CCDC3: variants seen among roughly 807,000 people sequenced by gnomAD.
The protein encoded by CCDC3 is coiled-coil domain-containing protein 3.
In CCDC3, 24 loss-of-function variants were observed where a neutral mutation model predicts 21.4. That is an observed-to-expected ratio of 1.12 (90% CI 0.81 to 1.58). The LOEUF is 1.58. Ranked by LOEUF, CCDC3 falls within the 40% of genes most tolerant of loss-of-function variation. The pLI, the probability that CCDC3 is intolerant of heterozygous loss-of-function variation, is 0.00. For missense variants in CCDC3, 425 were observed against 360.9 expected, an observed-to-expected ratio of 1.18 and a Z score of -1.44; for synonymous variants, 186 against 166.0, an observed-to-expected ratio of 1.12 and a Z score of -0.93.
chr10:13,054,985 A>G (rs1313181073), intron 4 of CCDC3, among the ~76,000 whole-genome samples: 1 of 152,134 alleles, frequency 6.6e-6, no homozygotes, highest in African/African-American at 2.4e-5. Context: ...ATTATTTCTT[A>G]TGATTCTGAG....
chr10:12,944,878 A>G (rs1265750709), intron 2 of CCDC3, among the ~76,000 whole-genome samples: 11 of 152,232 alleles, frequency 7.2e-5, no homozygotes, highest in African/African-American at 2.7e-4. Flanking sequence ...ATGTAGGAAA[A>G]ATATTCCCAT....
At chr10:13,060,663 C>T (rs1303261875) in intron 4 of CCDC3, among the ~76,000 whole-genome samples, 1 of 152,136 alleles carries the variant, frequency 6.6e-6, no homozygotes, top group Non-Finnish European at 1.5e-5. Flanking sequence ...CATCACCAAA[C>T]CAGGCTAATT....
chr10:13,048,548 A>C (rs1836562948), intron 5 of CCDC3, among the ~76,000 whole-genome samples: 1 of 152,120 alleles, frequency 6.6e-6, no homozygotes, highest in Non-Finnish European at 1.5e-5. Context: ...TCTGTTACCT[A>C]TTCAGAAAAT....
At chr10:13,043,201 C>G (rs1304352938) in intron 5 of CCDC3, among the ~76,000 whole-genome samples, 2 of 152,088 alleles carry the variant, frequency 1.3e-5, no homozygotes, top group Non-Finnish European at 2.9e-5. Flanking sequence ...AATAGTTTTT[C>G]AAGCCTAATC....
At chr10:13,022,328 CT>C (rs1210440491) in intron 5 of CCDC3, among the ~76,000 whole-genome samples, 1 of 152,154 alleles carries the variant, frequency 6.6e-6, no homozygotes, top group African/African-American at 2.4e-5. Flanking sequence ...AGATTTTTCT[CT>C]GTCTTGCTCC....
In CCDC3 at chr10:12,992,321, G is replaced by A. The variant is rs926566514; in HGVS notation, c.549+6017C>T. 7.2e-5 allele frequency among the ~76,000 whole-genome samples: 11 copies of A among 152,174 alleles called. No individual in the cohort carries two copies. In the East Asian group the frequency reaches 9.7e-4, roughly 13 times the overall value. ...ATGAGAATCGCTTGAACCTCACTGCGGAGGTTGCAGTGAGCTGAGATTGCG... is the reference window on the plus strand; with the variant it reads ...ATGAGAATCGCTTGAACCTCACTGCAGAGGTTGCAGTGAGCTGAGATTGCG... On this transcript the variant is annotated intron_variant, in intron 2 of 2. Transcript: ENST00000378825.
intron 3 of CCDC3, among the ~76,000 whole-genome samples, chr10:13,078,913 T>C (rs1836998889): frequency 6.6e-6 from 1 of 151,992 alleles, no homozygotes; most frequent in African/African-American, 2.4e-5. Context: ...CTAATGTAAA[T>C]GACGAGTTAA....
chr10:13,096,141 C>A (rs1029096967), intron 3 of CCDC3, among the ~76,000 whole-genome samples: 8 of 148,464 alleles, frequency 5.4e-5, no homozygotes, highest in Non-Finnish European at 3.0e-5. Flanking sequence ...CTTTCTCTCT[C>A]TACTTCCTTC....
chr10:12,927,240 T>C (rs1251020), intron 2 of CCDC3, among the ~76,000 whole-genome samples: 149,794 of 152,316 alleles, frequency 0.98, 73,692 homozygotes, highest in South Asian at 1. Context: ...TTCATCTATC[T>C]GCTGGCCCTT....
intron 2 of CCDC3, among the ~76,000 whole-genome samples, chr10:12,914,480 C>G: frequency 6.6e-6 from 1 of 152,114 alleles, no homozygotes; most frequent in East Asian, 1.9e-4. Context: ...GAGTCTTGCT[C>G]TGTCACCCAG....
intron 2 of CCDC3, among the ~76,000 whole-genome samples, chr10:12,986,638 G>C (rs1191336756): frequency 6.6e-6 from 1 of 152,032 alleles, no homozygotes; most frequent in African/African-American, 2.4e-5. Flanking sequence ...GCTGGGCGTG[G>C]TGGCGGACGC....
At chr10:13,051,078 CTG>C (rs1285643926) in intron 4 of CCDC3, among the ~76,000 whole-genome samples, 2 of 152,138 alleles carry the variant, frequency 1.3e-5, no homozygotes, top group African/African-American at 4.8e-5. Flanking sequence ...GGTGTGAGCT[CTG>C]TGTCTAAATA....
intron 4 of CCDC3, among the ~76,000 whole-genome samples, chr10:13,066,303 T>C (rs182968097): frequency 1.3e-5 from 2 of 152,212 alleles, no homozygotes; most frequent in African/African-American, 4.8e-5. Flanking sequence ...ACCACAGGTA[T>C]GCACCACCAC....
intron 5 of CCDC3, among the ~76,000 whole-genome samples, chr10:13,006,780 T>C (rs1485264171): frequency 6.6e-6 from 1 of 152,168 alleles, no homozygotes; most frequent in African/African-American, 2.4e-5. Flanking sequence ...CAAAAGGCTC[T>C]GTGTCTATAA....
intron 4 of CCDC3, among the ~76,000 whole-genome samples, chr10:13,052,985 C>T (rs1032165660): frequency 3.7e-5 from 3 of 80,184 alleles, no homozygotes; most frequent in East Asian, 2.9e-4. Flanking sequence ...CACACACACA[C>T]ATACACACAC....
At chr10:13,022,837 T>C (rs1455827170) in intron 5 of CCDC3, among the ~76,000 whole-genome samples, 4 of 152,202 alleles carry the variant, frequency 2.6e-5, no homozygotes, top group Non-Finnish European at 1.5e-5. Context: ...AAAGAAATTA[T>C]AAATATTGCA....
chr10:13,047,993 A>G (rs560883244), intron 5 of CCDC3, among the ~76,000 whole-genome samples: 58 of 152,314 alleles, frequency 3.8e-4, no homozygotes, highest in African/African-American at 1.1e-3. Context: ...CTGAATCCAC[A>G]CGTTGCAAGA....
chr10:12,906,336 C>A (rs886519087), intron 2 of CCDC3, among the ~76,000 whole-genome samples: 1 of 152,170 alleles, frequency 6.6e-6, no homozygotes, highest in Non-Finnish European at 1.5e-5. Context: ...ACAAAGGGAA[C>A]GCTCATGCCC....
intron 5 of CCDC3, among the ~76,000 whole-genome samples, chr10:13,030,641 A>C (rs1836287481): frequency 6.6e-6 from 1 of 152,184 alleles, no homozygotes; most frequent in African/African-American, 2.4e-5. Flanking sequence ...AAAGGGATGG[A>C]GGAAGATCTA....
Sources: gnomAD v4.1 joint callset for allele counts (sites outside exome capture counted in the v4.1 genomes callset) on GRCh38, gnomAD v4.1.1 for gene constraint, MANE v1.5 for transcripts, NCBI Gene and HGNC (gene_info 2026-07-23, HGNC 2026-07-21) for gene names.